GRID1: variants seen among roughly 807,000 people sequenced by gnomAD.
GRID1 encodes the protein glutamate ionotropic receptor delta type subunit 1.
GRID1 carries 28 observed loss-of-function variants against 98.0 expected under a neutral mutation model. That is an observed-to-expected ratio of 0.29 (90% confidence interval 0.21 to 0.39). The LOEUF (loss-of-function observed/expected upper bound fraction) is 0.39. Among genes scored for constraint, GRID1 ranks in the 10% least tolerant of loss-of-function variants. GRID1 has a pLI of 1.00. For synonymous variants in GRID1, 553 were observed against 538.5 expected, an observed-to-expected ratio of 1.03 and a Z score of -0.37; for missense variants, 1,111 against 1,340.5, an observed-to-expected ratio of 0.83 and a Z score of 2.67.
chr10:86,021,037 T>C (rs1469552208), intron 4 of GRID1, among the ~76,000 whole-genome samples: 2 of 85,736 alleles, frequency 2.3e-5, no homozygotes, highest in East Asian at 7.1e-4. Flanking sequence ...ATGTGGTTAA[T>C]TCAACCTGAC....
intron 3 of GRID1, among the ~76,000 whole-genome samples, chr10:86,143,339 G>C (rs1056033320): frequency 5.9e-5 from 9 of 152,172 alleles, no homozygotes; most frequent in African/African-American, 2.2e-4. Flanking sequence ...CTCCCGCAAA[G>C]TCCTTTTCTC....
chr10:86,307,271 A>G (rs550735901), intron 2 of GRID1, among the ~76,000 whole-genome samples: 1 of 152,294 alleles, frequency 6.6e-6, no homozygotes, highest in South Asian at 2.1e-4. Context: ...ATAATCCACA[A>G]TAGCCAAGGT....
chr10:85,832,713 C>T (rs1111876), intron 8 of GRID1, among the ~76,000 whole-genome samples: 10,488 of 152,160 alleles, frequency 0.069, 400 homozygotes, highest in Non-Finnish European at 0.082. Context: ...GGGTGTCTTA[C>T]GGCCCCCAAC....
intron 10 of GRID1, 53 bp downstream of exon 10, chr10:85,727,802 C>T: frequency 7.4e-7 from 1 of 1,358,120 alleles, no homozygotes; most frequent in East Asian, 2.3e-5. Flanking sequence ...TTAGATATTA[C>T]CCCAGAGGAA....
At chr10:85,926,018 C>CT (rs1011322535) in intron 4 of GRID1, among the ~76,000 whole-genome samples, 107 of 152,250 alleles carry the variant, frequency 7.0e-4, no homozygotes, top group African/African-American at 2.4e-3. Flanking sequence ...AATTTGTATT[C>CT]TTTTTTACGA....
At chr10:85,661,287 C>G (rs117773174) in intron 12 of GRID1, among the ~76,000 whole-genome samples, 4 of 151,970 alleles carry the variant, frequency 2.6e-5, no homozygotes, top group African/African-American at 9.7e-5. Flanking sequence ...GACAGAAACC[C>G]GCTGGACAAG....
At chr10:85,769,477 G>A (rs956988195) in intron 8 of GRID1, among the ~76,000 whole-genome samples, 2 of 152,190 alleles carry the variant, frequency 1.3e-5, no homozygotes, top group Admixed American at 6.5e-5. Flanking sequence ...GTGGGTGCAG[G>A]ACAGTGGGTG....
chr10:86,250,084 G>C (rs1846796698), intron 2 of GRID1, among the ~76,000 whole-genome samples: 1 of 152,150 alleles, frequency 6.6e-6, no homozygotes, highest in Admixed American at 6.5e-5. Context: ...TGGATAGATG[G>C]ATGGGTGAGT....
intron 3 of GRID1, among the ~76,000 whole-genome samples, chr10:86,154,534 G>C (rs1367586005): frequency 6.6e-6 from 1 of 152,122 alleles, no homozygotes; most frequent in Non-Finnish European, 1.5e-5. Context: ...ATATCCAAGG[G>C]GGTCCATCCC....
At chr10:85,938,517 C>T (rs754945826) in intron 4 of GRID1, among the ~76,000 whole-genome samples, 5 of 152,170 alleles carry the variant, frequency 3.3e-5, no homozygotes, top group South Asian at 2.1e-4. Context: ...CTCACAACAA[C>T]GCTATGGGGT....
chr10:85,884,215 T>G (rs1347589601), intron 5 of GRID1, among the ~76,000 whole-genome samples: 1 of 152,166 alleles, frequency 6.6e-6, no homozygotes, highest in Non-Finnish European at 1.5e-5. Context: ...CATTTTTCCT[T>G]TTGTGAGTGT....
At chr10:86,253,219 A>G (rs988760675) in intron 2 of GRID1, among the ~76,000 whole-genome samples, 3 of 152,210 alleles carry the variant, frequency 2.0e-5, no homozygotes, top group African/African-American at 4.8e-5. Flanking sequence ...GCTCATCTGC[A>G]TGTGGCCATC....
At chr10:85,825,776 G>GA (rs1842813906) in intron 8 of GRID1, among the ~76,000 whole-genome samples, 1 of 151,630 alleles carries the variant, frequency 6.6e-6, no homozygotes, top group African/African-American at 2.4e-5. Context: ...AAAGAGAATG[G>GA]AAAAAATAGT....
intron 2 of GRID1, among the ~76,000 whole-genome samples, chr10:86,297,259 T>TTGTTATTGTGCAAA (rs1278282346): frequency 2.0e-5 from 3 of 152,144 alleles, no homozygotes; most frequent in Non-Finnish European, 4.4e-5. Flanking sequence ...AACAAAGTAC[T>TTGTTATTGTGCAAA]GTAGAACTTG....
At chr10:86,156,080 T>C (rs1487513103) in intron 3 of GRID1, among the ~76,000 whole-genome samples, 3 of 152,024 alleles carry the variant, frequency 2.0e-5, no homozygotes. Context: ...AGCTGCAAAA[T>C]TCGGAACTCC....
At chr10:86,232,097 C>G (rs1193202726) in intron 2 of GRID1, among the ~76,000 whole-genome samples, 1 of 152,188 alleles carries the variant, frequency 6.6e-6, no homozygotes, top group Non-Finnish European at 1.5e-5. Context: ...CCAGGAAGCC[C>G]TGAATCCCAG....
chr10:85,720,282 A>G (rs1183343686), intron 12 of GRID1, among the ~76,000 whole-genome samples: 1 of 152,174 alleles, frequency 6.6e-6, no homozygotes, highest in Non-Finnish European at 1.5e-5. Context: ...CAATTCTGAA[A>G]TCCTTTAGGT....
At position 86,299,709 on chromosome 10, in the gene GRID1, C is replaced by G. The variant is rs531047729; in HGVS notation, c.235+64232G>C. 1.1e-3 allele frequency among the ~76,000 whole-genome samples: 173 copies of G among 152,246 alleles called. 1 individual carries two copies. Among genetic ancestry groups the G allele is most frequent in the African/African-American group, 4.0e-3 (167 of 41,542 alleles). ...GCTTAGCAGAAAGCCAGCAGAAAAT[C>G]CAGGGCTTGTGCCTGTCCCTCCAAC... On this transcript the variant is annotated intron_variant, in intron 2 of 15. Transcript: ENST00000327946.
At position 86,069,387 on chromosome 10, in the gene GRID1, G is replaced by A. The variant is rs141205893; in HGVS notation, c.726+69432C>T. Among the ~76,000 whole-genome samples, 967 of 152,308 alleles carry A rather than the reference G, an allele frequency of 6.3e-3. 4 individuals are homozygous for A. The highest frequency in any genetic ancestry group is 0.01 in the Non-Finnish European group (709 of 68,030). ...TTCCCGGCCAGGCACAGTGGCTCAC[G>A]CCTGTAATCCCAGCACTTTGGGAGG... On this transcript the variant is annotated intron_variant, in intron 4 of 15. Transcript: ENST00000327946.
Sources: gnomAD v4.1 joint callset for allele counts (sites outside exome capture counted in the v4.1 genomes callset) on GRCh38, gnomAD v4.1.1 for gene constraint, MANE v1.5 for transcripts, NCBI Gene and HGNC (gene_info 2026-07-23, HGNC 2026-07-21) for gene names.